Variants in MAP3K13 observed in about 807,000 individuals in gnomAD.
MAP3K13 encodes the protein mitogen-activated protein kinase kinase kinase 13.
A neutral mutation model predicts 104.0 loss-of-function variants in MAP3K13; 52 were observed. The ratio of observed to expected loss-of-function variants is 0.50; its 90% confidence interval spans 0.40 to 0.63. MAP3K13 has a LOEUF of 0.63. Among genes scored for constraint, MAP3K13 ranks in the 20% least tolerant of loss-of-function variants. MAP3K13 has a pLI of 0.00. For synonymous variants in MAP3K13, 394 were observed against 442.2 expected, an observed-to-expected ratio of 0.89 and a Z score of 1.37; for missense variants, 914 against 1,218.5, an observed-to-expected ratio of 0.75 and a Z score of 3.72.
At chr3:185,454,273 CAT>C (rs1248967561) in intron 7 of MAP3K13, among the ~76,000 whole-genome samples, 1 of 37,326 alleles carries the variant, frequency 2.7e-5, no homozygotes. Context: ...AGATATATAT[CAT>C]ATATATGATA....
At chr3:185,335,643 A>G (rs1469659426) in intron 2 of MAP3K13, among the ~76,000 whole-genome samples, 3 of 152,198 alleles carry the variant, frequency 2.0e-5, no homozygotes, top group African/African-American at 2.4e-5. Flanking sequence ...TCCTTATATA[A>G]AACCTATGTA....
intron 2 of MAP3K13, among the ~76,000 whole-genome samples, chr3:185,353,804 G>T (rs1228166271): frequency 6.6e-6 from 1 of 152,120 alleles, no homozygotes; most frequent in African/African-American, 2.4e-5. Context: ...GACCTTGGGG[G>T]AATTGTCCCT....
At chr3:185,343,456 A>G (rs1722794869) in intron 2 of MAP3K13, among the ~76,000 whole-genome samples, 1 of 151,838 alleles carries the variant, frequency 6.6e-6, no homozygotes, top group Non-Finnish European at 1.5e-5. Context: ...GGGTATGTTT[A>G]TTTATTTATT....
chr3:185,339,156 TTAAA>T (rs1416152106), intron 2 of MAP3K13, among the ~76,000 whole-genome samples: 1 of 151,864 alleles, frequency 6.6e-6, no homozygotes, highest in African/African-American at 2.4e-5. Flanking sequence ...CCCGTCTCTA[TTAAA>T]AATACAAAAA....
At position 185,482,287 on chromosome 3, in the gene MAP3K13, G is replaced by C. The variant is rs1453181880; in HGVS notation, c.2800-68G>C. 9.1e-7 allele frequency: 1 copy of C among 1,097,948 alleles called. No individual in the cohort carries two copies. The highest frequency in any genetic ancestry group is 1.5e-5 in the African/African-American group (1 of 65,240). 68.0% of individuals were successfully genotyped at this position (1,097,948 alleles called of 1,614,324 possible). A position where few individuals can be genotyped will look rare whatever the true frequency, so the allele number is the denominator to read the frequency against. On this transcript the variant is annotated intron_variant, in intron 13 of 13. Coordinates refer to ENST00000265026, the MANE Select transcript of MAP3K13 (RefSeq NM_004721.5). The surrounding 1 kb of genome is among the most constrained non-coding windows in gnomAD (Gnocchi z 4.5). ...TACCAAGCACAGTGCCTGTTGTGTG[G>C]GAGGTGTTTGACATATATTTACTGA...
chr3:185,443,762 A>G lies in MAP3K13; in HGVS notation c.851+126A>G. The G allele has an allele frequency of 4.0e-6, 3 of 755,718 alleles. No individual in the cohort carries two copies. In the South Asian group the frequency reaches 5.4e-5, roughly 14 times the overall value. 46.8% of individuals were successfully genotyped at this position (755,718 alleles called of 1,614,324 possible). On this transcript the variant is annotated intron_variant, in intron 4 of 13. Transcript: ENST00000265026. ...TTCAGTTTCAATCAGCACAGTGGGT[A>G]ATTCTGTTTGCGCATCTCTTGGGTT...
chr3:185,291,595 T>C (rs1720741844), intron 2 of MAP3K13: 1 of 1,501,816 alleles, frequency 6.7e-7, no homozygotes, highest in Non-Finnish European at 8.8e-7. Context: ...TTTTTTTGTG[T>C]TTTGTTTTGT....
chr3:185,438,806 AG>A (rs1715178189), intron 3 of MAP3K13, among the ~76,000 whole-genome samples: 1 of 152,212 alleles, frequency 6.6e-6, no homozygotes, highest in Non-Finnish European at 1.5e-5. Flanking sequence ...TTTAGAGGAA[AG>A]AAGGTGAAGA....
In MAP3K13 at chr3:185,459,529, C is replaced by A. The variant is rs7645240; in HGVS notation, c.1279-4021C>A. ...GTGGTGTGATCTCAGCCCACTGCAA[C>A]CTCCACCTCCCAGGTTCAAGCTATT... On this transcript the variant is annotated intron_variant, in intron 7 of 13. Transcript: ENST00000265026. 1.1e-3 allele frequency among the ~76,000 whole-genome samples: 172 copies of A among 152,144 alleles called. 3 individuals are homozygous for A. Among genetic ancestry groups the A allele is most frequent in the African/African-American group, 3.9e-3 (161 of 41,522 alleles).
chr3:185,428,716 C>T lies in MAP3K13; in HGVS notation c.135C>T (p.Asp45=). ...GNHPSPKLLE[D]QQEKGMVRTE... Reference sequence around the variant, plus strand: ...ACCCTTCTCCCAAGCTGCTCGAGGACCAGCAGGAAAAGGGGATGGTACGAA... The same window carrying T: ...ACCCTTCTCCCAAGCTGCTCGAGGATCAGCAGGAAAAGGGGATGGTACGAA... Residue 45 remains aspartate, a synonymous_variant, in exon 2 of 14, where the codon GAC becomes GAT. Transcript: ENST00000265026. 6.2e-7 allele frequency: 1 copy of T among 1,614,136 alleles called. No homozygotes were observed. The highest frequency in any genetic ancestry group is 8.5e-7 in the Non-Finnish European group (1 of 1,180,020).
chr3:185,353,593 G>T (rs1723228266), intron 2 of MAP3K13, among the ~76,000 whole-genome samples: 1 of 152,166 alleles, frequency 6.6e-6, no homozygotes, highest in Admixed American at 6.5e-5. Flanking sequence ...TGACTTAACA[G>T]TATGACTCTA....
intron 2 of MAP3K13, among the ~76,000 whole-genome samples, chr3:185,437,029 A>AAAAAAAAG (rs1715074599): frequency 8.0e-6 from 1 of 125,546 alleles, no homozygotes. Context: ...AAAAAAAAAA[A>AAAAAAAAG]AAATTAGCAA....
chr3:185,333,548 A>G (rs1477998726), intron 2 of MAP3K13, among the ~76,000 whole-genome samples: 2 of 152,174 alleles, frequency 1.3e-5, no homozygotes, highest in Non-Finnish European at 2.9e-5. Context: ...GTTAGAGTCA[A>G]CATAAAAATC....
At chr3:185,385,871 T>G (rs571593705) in intron 1 of MAP3K13, among the ~76,000 whole-genome samples, 1 of 152,086 alleles carries the variant, frequency 6.6e-6, no homozygotes, top group Non-Finnish European at 1.5e-5. Context: ...GTCGTGGTGG[T>G]GGGTGCCTAT....
chr3:185,400,891 C>T (rs1332397858), intron 1 of MAP3K13, among the ~76,000 whole-genome samples: 10 of 116,638 alleles, frequency 8.6e-5, no homozygotes, highest in South Asian at 2.7e-4. Context: ...TAGGATAATT[C>T]TGGGTGTTTG....
At position 185,454,613 on chromosome 3, in the gene MAP3K13, GAT is replaced by G. The variant is rs796412860; in HGVS notation, c.1278+3227_1278+3228del. On this transcript the variant is annotated intron_variant, in intron 7 of 13. Coordinates refer to ENST00000265026, the MANE Select transcript of MAP3K13 (RefSeq NM_004721.5). Reference sequence around the variant, plus strand: ...ATATAGATATATATGAGATATATATGATATATATATGAGATATATATATGAGA... The same window carrying G: ...ATATAGATATATATGAGATATATATGATATATATGAGATATATATATGAGA... Among the ~76,000 whole-genome samples, 232 of 69,764 alleles carry G rather than the reference GAT, an allele frequency of 3.3e-3. 7 individuals are homozygous for G. Among genetic ancestry groups the G allele is most frequent in the East Asian group, 5.3e-3 (15 of 2,820 alleles). 45.8% of individuals were successfully genotyped at this position (69,764 alleles called of 152,430 possible). A position where few individuals can be genotyped will look rare whatever the true frequency, so the allele number is the denominator to read the frequency against.
In MAP3K13 at chr3:185,428,757, G is replaced by C; in HGVS notation, c.176G>C (p.Ser59Thr). 1 of 1,614,198 alleles carries C rather than the reference G, an allele frequency of 6.2e-7. No homozygotes were observed. The highest frequency in any genetic ancestry group is 1.3e-5 in the African/African-American group (1 of 75,052). The change falls in exon 2 of 14, where the codon AGC becomes ACC. Residue 59 changes from serine (S) to threonine (T), a missense_variant. Physicochemically the swap from Ser to Thr is moderately conservative, Grantham distance 58. This residue lies in a region of MAP3K13 where 156 missense variants were observed against 159.8 expected (regional missense o/e 0.98). Coordinates refer to ENST00000265026, the MANE Select transcript of MAP3K13 (RefSeq NM_004721.5). ...KGMVRTELIE[S>T]VHSPVTTTVL... ...ATGGTACGAACAGAGCTAATCGAGA[G>C]CGTGCACAGCCCCGTCACCACAACA...
intron 2 of MAP3K13, among the ~76,000 whole-genome samples, chr3:185,356,721 G>A (rs1365323675): frequency 1.3e-5 from 2 of 152,188 alleles, no homozygotes; most frequent in Non-Finnish European, 2.9e-5. Context: ...ATTACGACCA[G>A]GGAGTTGAGT....
intron 1 of MAP3K13, among the ~76,000 whole-genome samples, chr3:185,388,544 A>G (rs1472239855): frequency 6.6e-6 from 1 of 152,104 alleles, no homozygotes; most frequent in Non-Finnish European, 1.5e-5. Flanking sequence ...GAACACAAAC[A>G]AATGGACAGC....
Sources: allele counts gnomAD v4.1 joint callset (sites outside exome capture counted in the v4.1 genomes callset), GRCh38; gene constraint gnomAD v4.1.1; regional missense constraint gnomAD v4.1.1; non-coding constraint Gnocchi (gnomAD v3.1); transcripts MANE v1.5; gene names NCBI Gene and HGNC (gene_info 2026-07-23, HGNC 2026-07-21).